Variants in TENM2 observed in about 807,000 individuals in gnomAD.
TENM2 encodes teneurin-2.
A neutral mutation model predicts 245.2 loss-of-function variants in TENM2; 52 were observed. That is an observed-to-expected ratio of 0.21 (90% CI 0.17 to 0.27). TENM2 has a LOEUF of 0.27. Ranked by LOEUF, TENM2 falls within the 10% of genes least tolerant of loss-of-function variation. The probability of loss-of-function intolerance (pLI) is 1.00; values close to 1 mark genes in which losing one functional copy is unlikely to be tolerated. For synonymous variants in TENM2, 1,363 were observed against 1,438.9 expected (o/e 0.95, Z 1.19); for missense variants, 3,046 against 3,666.8 (o/e 0.83, Z 4.37).
intron 4 of TENM2, among the ~76,000 whole-genome samples, chr5:167,963,443 A>G (rs1214972100): frequency 1.3e-5 from 2 of 152,146 alleles, no homozygotes; most frequent in Admixed American, 1.3e-4. Context: ...TTTCATACCA[A>G]ATAAGAATTG....
At chr5:167,220,931 A>C in the TENM2 span, among the ~76,000 whole-genome samples, 1 of 151,938 alleles carries the variant, frequency 6.6e-6, no homozygotes, top group African/African-American at 2.4e-5. Context: ...GGTTCAAGCG[A>C]TTCCCCTGCC....
At chr5:168,084,478 G>T (rs1792274957) in intron 7 of TENM2, among the ~76,000 whole-genome samples, 2 of 152,164 alleles carry the variant, frequency 1.3e-5, no homozygotes, top group Admixed American at 6.5e-5. Context: ...TCTCATTGTG[G>T]TTTTGATTTA....
chr5:167,037,431 A>G, the TENM2 span, among the ~76,000 whole-genome samples: 1 of 152,130 alleles, frequency 6.6e-6, no homozygotes. Flanking sequence ...AAGTTCTATG[A>G]TTTGGAGATT....
At chr5:167,413,106 A>G (rs1762991388) in intron 2 of TENM2, among the ~76,000 whole-genome samples, 1 of 152,000 alleles carries the variant, frequency 6.6e-6, no homozygotes, top group Non-Finnish European at 1.5e-5. Flanking sequence ...TTTTGGCATC[A>G]TTTTCAAAAA....
At chr5:167,835,162 A>G (rs537514261) in intron 2 of TENM2, among the ~76,000 whole-genome samples, 69 of 152,342 alleles carry the variant, frequency 4.5e-4, no homozygotes, top group Non-Finnish European at 8.4e-4. Flanking sequence ...GGTTATGTTT[A>G]TATAAAGTGC....
At chr5:168,238,263 A>AGAAAAGAAAAAAGAAAAGAAAG (rs1765761573) in intron 25 of TENM2, among the ~76,000 whole-genome samples, 1 of 139,100 alleles carries the variant, frequency 7.2e-6, no homozygotes, top group African/African-American at 3.1e-5. Context: ...AGAAAAGAAA[A>AGAAAAGAAAAAAGAAAAGAAAG]GAAAAGAAAA....
intron 2 of TENM2, among the ~76,000 whole-genome samples, chr5:167,721,171 C>T (rs528596314): frequency 2.0e-5 from 3 of 151,878 alleles, no homozygotes; most frequent in Admixed American, 2.0e-4. Context: ...ATACCTAATC[C>T]CCATTTCCAT....
chr5:167,323,487 G>C (rs1450059704), intron 1 of TENM2, among the ~76,000 whole-genome samples: 4 of 152,026 alleles, frequency 2.6e-5, no homozygotes, highest in African/African-American at 9.7e-5. Flanking sequence ...AAATAGTGCT[G>C]AGATGTGTCC....
intron 24 of TENM2, among the ~76,000 whole-genome samples, chr5:168,227,236 G>A (rs527251460): frequency 4.6e-5 from 7 of 152,190 alleles, no homozygotes; most frequent in African/African-American, 7.2e-5. Context: ...TGATTGACTC[G>A]TGTAGTTTCC....
intron 2 of TENM2, among the ~76,000 whole-genome samples, chr5:167,452,948 T>TATATATATATATATTTTTTAA (rs1554157747): frequency 2.1e-5 from 1 of 47,510 alleles, no homozygotes; most frequent in African/African-American, 6.7e-5. Flanking sequence ...TATATATATA[T>TATATATATATATATTTTTTAA]ATATATATAT....
chr5:167,970,666 G>A (rs1781711596), intron 4 of TENM2, among the ~76,000 whole-genome samples: 1 of 152,160 alleles, frequency 6.6e-6, no homozygotes, highest in African/African-American at 2.4e-5. Flanking sequence ...GAGACAGATT[G>A]CAGGGGTCAG....
rs1022089255 is a variant in TENM2 at position 167,438,013 on chromosome 5, C to T, written c.502+62540C>T. Among the ~76,000 whole-genome samples the T allele has an allele frequency of 7.2e-5, 11 of 152,276 alleles. No individual in the cohort carries two copies. In the East Asian group the frequency reaches 2.1e-3, roughly 29 times the overall value. On this transcript the variant is annotated intron_variant, in intron 2 of 28. Coordinates refer to ENST00000518659, the Ensembl canonical transcript of TENM2. ...AACACATCTCTTTAACACAGTGTCT[C>T]CCAAAATATAATTTAATAATCATTA...
intron 2 of TENM2, among the ~76,000 whole-genome samples, chr5:167,677,147 T>C (rs17510007): frequency 0.035 from 5,342 of 152,190 alleles, 143 homozygotes; most frequent in Non-Finnish European, 0.052. Flanking sequence ...TGTTTAATAA[T>C]ATCCCAGTGT....
At chr5:167,631,099 C>T (rs12652575) in intron 2 of TENM2, among the ~76,000 whole-genome samples, 12 of 152,224 alleles carry the variant, frequency 7.9e-5, no homozygotes, top group East Asian at 5.8e-4. Flanking sequence ...AATCTGGAAT[C>T]GAACTCGTGG....
chr5:167,586,014 C>T (rs187465228), intron 2 of TENM2, among the ~76,000 whole-genome samples: 1 of 152,184 alleles, frequency 6.6e-6, no homozygotes, highest in Admixed American at 6.5e-5. Context: ...AGTCCCAGTA[C>T]TCGGGAGGCT....
At chr5:167,776,954 C>G (rs1701047174) in intron 2 of TENM2, among the ~76,000 whole-genome samples, 1 of 152,120 alleles carries the variant, frequency 6.6e-6, no homozygotes, top group Non-Finnish European at 1.5e-5. Flanking sequence ...TTTCAAAAGA[C>G]TGAACTTAAG....
At chr5:167,547,291 G>A (rs570227228) in intron 2 of TENM2, among the ~76,000 whole-genome samples, 4 of 152,154 alleles carry the variant, frequency 2.6e-5, no homozygotes, top group South Asian at 4.1e-4. Context: ...GGCTGGTCTC[G>A]AACACCTGAC....
intron 2 of TENM2, among the ~76,000 whole-genome samples, chr5:167,482,261 C>T (rs1767803182): frequency 1.3e-5 from 2 of 152,054 alleles, no homozygotes; most frequent in Admixed American, 1.3e-4. Context: ...TGAAACCTTA[C>T]TCTAAAAACA....
the TENM2 span, among the ~76,000 whole-genome samples, chr5:167,130,611 G>A: frequency 6.6e-6 from 1 of 152,144 alleles, no homozygotes; most frequent in East Asian, 1.9e-4. Flanking sequence ...TGCCATGTCC[G>A]CCAACACAGC....
Sources: allele counts gnomAD v4.1 joint callset (sites outside exome capture counted in the v4.1 genomes callset), GRCh38; gene constraint gnomAD v4.1.1; transcripts MANE v1.5; gene names NCBI Gene and HGNC (gene_info 2026-07-23, HGNC 2026-07-21).